The following C7orf57 variants were observed in gnomAD, a reference collection of about 807,000 sequenced individuals.
The protein encoded by C7orf57 is chromosome 7 open reading frame 57.
In C7orf57, 33 loss-of-function variants were observed where a neutral mutation model predicts 39.0. That is an observed-to-expected ratio of 0.85 (90% CI 0.64 to 1.13). C7orf57 has a LOEUF of 1.13. Ranked by LOEUF, C7orf57 falls within the 50% of genes most tolerant of loss-of-function variation. The probability of loss-of-function intolerance (pLI) is 0.00; values close to 1 mark genes in which losing one functional copy is unlikely to be tolerated. For synonymous variants in C7orf57, 124 were observed against 137.1 expected (o/e 0.90, Z 0.67); for missense variants, 346 against 362.3 (o/e 0.95, Z 0.37).
At position 48,043,513 on chromosome 7, in the gene C7orf57, A is replaced by T; in HGVS notation, c.274A>T (p.Lys92Ter). 1 of 1,613,902 alleles carries T rather than the reference A, an allele frequency of 6.2e-7. No homozygotes were observed. The highest frequency in any genetic ancestry group is 1.1e-5 in the South Asian group (1 of 91,066). The change falls in exon 4 of 9, where the codon AAA (lysine) becomes TAA (stop). Residue 92 changes from lysine (K) to a stop codon, truncating the protein, a stop_gained. Coordinates refer to ENST00000348904, the MANE Select transcript of C7orf57 (RefSeq NM_001100159.3). LOFTEE classifies it high-confidence loss of function. ...LLKHFAPGTR[K>*]GSPVAYSLPD... ...GAAGCACTTTGCCCCTGGAACCAGG[A>T]AAGGCTCTCCAGTGGCCTACTCCCT...
chr7:48,044,375 C>T (rs1488118915), intron 4 of C7orf57, among the ~76,000 whole-genome samples: 6 of 152,244 alleles, frequency 3.9e-5, no homozygotes, highest in African/African-American at 1.4e-4. Context: ...GGGTTTGCCA[C>T]TGCCGGCTCA....
Position 48,051,817 on chromosome 7 carries a change from C to CTCTTCTCTTTCTT in C7orf57, c.606-879_606-878insCTCTTTCTTTCTT, listed in dbSNP as rs1554299753. Among the ~76,000 whole-genome samples, 5 of 51,178 alleles carry CTCTTCTCTTTCTT rather than the reference C, an allele frequency of 9.8e-5. No homozygotes were observed. In the South Asian group the frequency reaches 3.2e-3, roughly 33 times the overall value. 33.6% of individuals were successfully genotyped at this position (51,178 alleles called of 152,430 possible). A position where few individuals can be genotyped will look rare whatever the true frequency, so the allele number is the denominator to read the frequency against. On this transcript the variant is annotated intron_variant, in intron 6 of 8. Transcript: ENST00000348904. Reference sequence around the variant, plus strand: ...TTCTTTCCTTCCTTCCTTTTCTCTTCTCTTTCTTTCTTTCTTTCTTTCTTT... The same window carrying CTCTTCTCTTTCTT: ...TTCTTTCCTTCCTTCCTTTTCTCTTCTCTTCTCTTTCTTTCTTTCTTTCTTTCTTTCTTTCTTT...
chr7:48,045,173 G>C (rs922253234), intron 4 of C7orf57, among the ~76,000 whole-genome samples: 3 of 152,210 alleles, frequency 2.0e-5, no homozygotes, highest in African/African-American at 7.2e-5. Context: ...ACCTGCTCCA[G>C]GTCCTGGGAC....
intron 7 of C7orf57, among the ~76,000 whole-genome samples, chr7:48,054,040 A>G (rs191352350): frequency 1.3e-5 from 2 of 152,334 alleles, no homozygotes; most frequent in African/African-American, 2.4e-5. Context: ...GTTGAACAAG[A>G]TCTGCCACTT....
At chr7:48,039,690 G>A (rs1476075235) in intron 2 of C7orf57, among the ~76,000 whole-genome samples, 1 of 152,068 alleles carries the variant, frequency 6.6e-6, no homozygotes, top group Non-Finnish European at 1.5e-5. Flanking sequence ...CAGCCAAGTT[G>A]ACACATAAAA....
chr7:48,046,158 C>T (rs911724627), intron 4 of C7orf57, among the ~76,000 whole-genome samples: 3 of 151,190 alleles, frequency 2.0e-5, no homozygotes, highest in East Asian at 1.9e-4. Flanking sequence ...GGGAAGGGCC[C>T]GTCTGTGTTT....
intron 4 of C7orf57, 62 bp from the exon 5 acceptor site, chr7:48,046,394 TGGAA>T (rs1790711987): frequency 2.0e-6 from 3 of 1,468,174 alleles, no homozygotes; most frequent in Non-Finnish European, 2.8e-6. Context: ...GCGATGGAGA[TGGAA>T]GGAAGGGAGG....
intron 7 of C7orf57, among the ~76,000 whole-genome samples, chr7:48,053,291 C>T (rs16881718): frequency 0.015 from 2,334 of 152,240 alleles, 67 homozygotes; most frequent in African/African-American, 0.054. Flanking sequence ...GCAGCCGGTA[C>T]TTTTTGAGAT....
chr7:48,036,047 G>C (rs567970495), intron 1 of C7orf57, among the ~76,000 whole-genome samples, 161 bp from the exon 2 acceptor site: 15 of 152,032 alleles, frequency 9.9e-5, no homozygotes, highest in African/African-American at 3.6e-4. Flanking sequence ...GCTGTATACC[G>C]GCGTGATGTG....
At position 48,041,526 on chromosome 7, in the gene C7orf57, C is replaced by T. The variant is rs747646305; in HGVS notation, c.241+7C>T. The T allele has an allele frequency of 1.9e-6, 3 of 1,587,802 alleles. No individual in the cohort carries two copies. The highest frequency in any genetic ancestry group is 2.7e-5 in the African/African-American group (2 of 74,444). Reference sequence around the variant, plus strand: ...AAACAAGGTGGCAGGCCCGGTGAGCCCCCTCCTGCCCTGTTCAGTGTGGCA... The same window carrying T: ...AAACAAGGTGGCAGGCCCGGTGAGCTCCCTCCTGCCCTGTTCAGTGTGGCA... On this transcript the variant is annotated splice_region_variant and intron_variant, in intron 3 of 8. Transcript: ENST00000348904.
chr7:48,049,794 G>T, intron 5 of C7orf57, 86 bp from the exon 6 acceptor site: 1 of 933,864 alleles, frequency 1.1e-6, no homozygotes. Context: ...TATAAGCTTT[G>T]TATCTTTGCT....
chr7:48,060,229 C>T lies in C7orf57; in HGVS notation c.845C>T (p.Pro282Leu), dbSNP rs1191917848. 11 of 1,532,998 alleles carry T rather than the reference C, an allele frequency of 7.2e-6. No homozygotes were observed. Among genetic ancestry groups the T allele is most frequent in the African/African-American group, 1.4e-5 (1 of 72,956 alleles). The allele number at this position is 1,532,998 out of a possible 1,614,324, so 95.0% of individuals were successfully genotyped here. A position where few individuals can be genotyped will look rare whatever the true frequency, so the allele number is the denominator to read the frequency against. Reference sequence around the variant, plus strand: ...ATTTATTTACTTTGTGTTGCAGGCCCAGAAGAATCTGTATCTGCATCAACA... The same window carrying T: ...ATTTATTTACTTTGTGTTGCAGGCCTAGAAGAATCTGTATCTGCATCAACA... ...PEDTPESSQS[P>L]EESVSASTPA... The change falls in exon 9 of 9, where the codon CCA becomes CTA. Residue 282 changes from proline (P) to leucine (L), a missense_variant. Pro to Leu is a moderately conservative substitution (Grantham distance 98). Transcript: ENST00000348904.
chr7:48,046,691 T>C (rs1196624861), intron 5 of C7orf57, 75 bp downstream of exon 5: 6 of 1,482,728 alleles, frequency 4.0e-6, no homozygotes, highest in Non-Finnish European at 5.5e-6. Flanking sequence ...AGTGCTGTGA[T>C]GTTAGCTGCT....
Position 48,041,443 on chromosome 7 carries a change from G to A in C7orf57, c.165G>A (p.Leu55=). Residue 55 remains leucine, a synonymous_variant, in exon 3 of 9, where the codon CTG becomes CTA. Transcript: ENST00000348904. ...SNLGDSHSEN[L]PGTRRYWIKE... is the part of the protein sequence containing the mutation. ...TGGGAGACTCACACAGCGAGAACCT[G>A]CCTGGGACTCGGAGATACTGGATAA... 6.2e-7 allele frequency: 1 copy of A among 1,613,974 alleles called. No individual in the cohort carries two copies. Among genetic ancestry groups the A allele is most frequent in the Non-Finnish European group, 8.5e-7 (1 of 1,179,874 alleles).
chr7:48,046,572 G>T lies in C7orf57; in HGVS notation c.463G>T (p.Val155Phe), dbSNP rs377348619. ...RGPFDFDMKT[V>F]WQREAEELEK... Reference sequence around the variant, plus strand: ...GCCCTTCGACTTCGACATGAAAACAGTTTGGCAAAGAGAGGCTGAGGAACT... The same window carrying T: ...GCCCTTCGACTTCGACATGAAAACATTTTGGCAAAGAGAGGCTGAGGAACT... The change falls in exon 5 of 9, where the codon GTT becomes TTT. Residue 155 changes from valine (V) to phenylalanine (F), a missense_variant. Val to Phe is a conservative substitution (Grantham distance 50). Transcript: ENST00000348904. The T allele has an allele frequency of 9.3e-6, 15 of 1,613,690 alleles. No homozygotes were observed. The highest frequency in any genetic ancestry group is 1.1e-5 in the Non-Finnish European group (13 of 1,179,800).
At chr7:48,060,078 G>T (rs541778599) in intron 8 of C7orf57, 148 bp from the exon 9 acceptor site, 1 of 497,118 alleles carries the variant, frequency 2.0e-6, no homozygotes, top group South Asian at 4.2e-5. Context: ...TTTATGCCAG[G>T]ATCATAAGCT....
intron 2 of C7orf57, among the ~76,000 whole-genome samples, chr7:48,041,039 T>C (rs1790532270): frequency 6.6e-6 from 1 of 152,170 alleles, no homozygotes; most frequent in Non-Finnish European, 1.5e-5. Context: ...ATCATGGGGC[T>C]TGGGTACCTC....
intron 5 of C7orf57, among the ~76,000 whole-genome samples, chr7:48,047,875 A>G (rs1390283243): frequency 6.6e-6 from 1 of 152,032 alleles, no homozygotes; most frequent in African/African-American, 2.4e-5. Flanking sequence ...CTCAGCCAAA[A>G]TGGACCATGT....
chr7:48,045,110 C>T (rs1251936632), intron 4 of C7orf57, among the ~76,000 whole-genome samples: 14 of 152,142 alleles, frequency 9.2e-5, no homozygotes, highest in Admixed American at 9.2e-4. Context: ...ACTTCTGGGG[C>T]CTTCAGTGTT....
Sources: allele counts gnomAD v4.1 joint callset (sites outside exome capture counted in the v4.1 genomes callset), GRCh38; gene constraint gnomAD v4.1.1; transcripts MANE v1.5; gene names NCBI Gene and HGNC (gene_info 2026-07-23, HGNC 2026-07-21).